The following ZNF644 variants were observed in gnomAD, a reference collection of about 807,000 sequenced individuals.
ZNF644 encodes the protein zinc finger protein 644.
ZNF644 carries 20 observed loss-of-function variants against 108.0 expected under a neutral mutation model. That is an observed-to-expected ratio of 0.19 (90% confidence interval 0.13 to 0.27). The LOEUF (loss-of-function observed/expected upper bound fraction) is 0.27. ZNF644 is among the 10% of genes least tolerant of loss of function. The probability of loss-of-function intolerance (pLI) is 1.00; values close to 1 mark genes in which losing one functional copy is unlikely to be tolerated. For synonymous variants in ZNF644, 542 were observed against 539.1 expected (o/e 1.01, Z -0.08); for missense variants, 1,338 against 1,548.9 (o/e 0.86, Z 2.29).
intron 1 of ZNF644, among the ~76,000 whole-genome samples, chr1:91,019,459 A>G (rs376454980): frequency 6.6e-6 from 1 of 152,358 alleles, no homozygotes; most frequent in African/African-American, 2.4e-5. Flanking sequence ...GAAAACCTTA[A>G]AATTCAAAAG....
At chr1:90,958,748 G>C (rs1654016115) in intron 2 of ZNF644, among the ~76,000 whole-genome samples, 1 of 152,128 alleles carries the variant, frequency 6.6e-6, no homozygotes, top group African/African-American at 2.4e-5. Flanking sequence ...AATGGTACTG[G>C]GACAACTGGA....
At chr1:90,954,852 ACCT>A (rs532095656) in intron 2 of ZNF644, among the ~76,000 whole-genome samples, 6 of 152,152 alleles carry the variant, frequency 3.9e-5, no homozygotes, top group Non-Finnish European at 8.8e-5. Flanking sequence ...TGATATTTTG[ACCT>A]CCTCCCATGA....
chr1:91,020,072 T>C (rs1430532112), intron 1 of ZNF644, among the ~76,000 whole-genome samples: 1 of 152,210 alleles, frequency 6.6e-6, no homozygotes, highest in Non-Finnish European at 1.5e-5. Flanking sequence ...TAATCATCTC[T>C]GGTCCTCAAT....
At chr1:90,972,515 G>T (rs1655600345) in intron 2 of ZNF644, among the ~76,000 whole-genome samples, 1 of 152,164 alleles carries the variant, frequency 6.6e-6, no homozygotes, top group Admixed American at 6.5e-5. Context: ...TGCACTGTTG[G>T]TGGGAATGTC....
intron 4 of ZNF644, among the ~76,000 whole-genome samples, chr1:90,932,395 G>A (rs1182950603): frequency 2.6e-5 from 4 of 152,062 alleles, no homozygotes; most frequent in Non-Finnish European, 5.9e-5. Flanking sequence ...ACATGGTTAG[G>A]GAGGCTTTAT....
Position 90,937,491 on chromosome 1 carries a change from G to A in ZNF644, c.3682C>T (p.His1228Tyr). 6.2e-7 allele frequency: 1 copy of A among 1,613,700 alleles called. No individual in the cohort carries two copies. The highest frequency in any genetic ancestry group is 8.5e-7 in the Non-Finnish European group (1 of 1,179,692). Reference sequence around the variant, plus strand: ...GTCATAAACGTCCTCTTACCTGAGTGCATAGTCAAGTCCATTTTTTGTGGC... The same window carrying A: ...GTCATAAACGTCCTCTTACCTGAGTACATAGTCAAGTCCATTTTTTGTGGC... The part of the protein sequence containing the change: ...YQPQKMDLTM[H>Y]SALDCKQKKS... The change falls in exon 4 of 6, where the codon CAC becomes TAC. Residue 1228 changes from histidine (H) to tyrosine (Y), a missense_variant. Coordinates refer to ENST00000337393, the MANE Select transcript of ZNF644 (RefSeq NM_201269.3).
intron 2 of ZNF644, among the ~76,000 whole-genome samples, chr1:90,971,180 A>G (rs1013286320): frequency 6.6e-6 from 1 of 151,688 alleles, no homozygotes; most frequent in Non-Finnish European, 1.5e-5. Flanking sequence ...AGTATTATAC[A>G]CCGTAAGCAA....
At chr1:90,941,387 A>T (rs989954470) in intron 2 of ZNF644, 78 bp from the exon 3 acceptor site, 2 of 1,304,026 alleles carry the variant, frequency 1.5e-6, no homozygotes, top group Admixed American at 4.7e-5. Context: ...TTGAAAGTAC[A>T]TATTTTTATT....
At chr1:90,979,378 C>A (rs1191031978) in intron 2 of ZNF644, among the ~76,000 whole-genome samples, 1 of 152,072 alleles carries the variant, frequency 6.6e-6, no homozygotes, top group East Asian at 1.9e-4. Context: ...GAGGCTGAGG[C>A]AGGAGAATTG....
intron 2 of ZNF644, among the ~76,000 whole-genome samples, chr1:90,947,108 T>C (rs1652597036): frequency 6.6e-6 from 1 of 152,146 alleles, no homozygotes; most frequent in African/African-American, 2.4e-5. Flanking sequence ...GAATCAACAG[T>C]AGAAAATCAA....
chr1:90,937,400 G>C, intron 4 of ZNF644, 85 bp downstream of exon 4: 1 of 1,568,802 alleles, frequency 6.4e-7, no homozygotes, highest in Non-Finnish European at 8.7e-7. Context: ...TTGTGAGAAA[G>C]TATTTTCCAC....
At position 90,939,044 on chromosome 1, in the gene ZNF644, A is replaced by T. The variant is rs1268288716; in HGVS notation, c.2310T>A (p.Asn770Lys). ...TTGATGATGAAAACAGGTGTAAAGA[A>T]TTTAATGAACTAGCTTCTTCTTTTT... is the stretch of plus-strand genomic sequence containing the variant. The part of the protein sequence containing the change: ...HFKKEEASSL[N>K]SLHLFSSSSN... The change falls in exon 3 of 6, where the codon AAT (asparagine) becomes AAA (lysine). Residue 770 changes from asparagine (N) to lysine (K), a missense_variant. This residue lies in a region of ZNF644 where 462 missense variants were observed against 472.6 expected (regional missense o/e 0.98). Transcript: ENST00000337393. The T allele has an allele frequency of 1.2e-6, 2 of 1,614,068 alleles. No individual in the cohort carries two copies. Among genetic ancestry groups the T allele is most frequent in the East Asian group, 4.5e-5 (2 of 44,878 alleles).
chr1:91,017,228 C>A (rs900518167), intron 1 of ZNF644, among the ~76,000 whole-genome samples: 2 of 152,184 alleles, frequency 1.3e-5, no homozygotes, highest in African/African-American at 4.8e-5. Context: ...TCACTCTAAC[C>A]CAGCTTCAAT....
chr1:90,967,645 A>G (rs1051603355), intron 2 of ZNF644, among the ~76,000 whole-genome samples: 2 of 152,172 alleles, frequency 1.3e-5, no homozygotes, highest in African/African-American at 4.8e-5. Context: ...AGTCAATTAT[A>G]GGAATTAAAC....
chr1:90,941,635 A>C (rs113616344), intron 2 of ZNF644, among the ~76,000 whole-genome samples: 8 of 152,308 alleles, frequency 5.3e-5, no homozygotes, highest in African/African-American at 1.9e-4. Context: ...ACTCAAAAAC[A>C]ATATAAATAT....
intron 4 of ZNF644, among the ~76,000 whole-genome samples, chr1:90,920,389 TGAG>T (rs1026377291): frequency 1.3e-5 from 2 of 152,004 alleles, no homozygotes; most frequent in Admixed American, 6.6e-5. Flanking sequence ...TAAAGCAAAT[TGAG>T]GAAGAAGGGC....
At chr1:90,922,981 T>A (rs1212114812) in intron 4 of ZNF644, among the ~76,000 whole-genome samples, 2 of 152,108 alleles carry the variant, frequency 1.3e-5, no homozygotes, top group Non-Finnish European at 2.9e-5. Context: ...AATCAGGGCC[T>A]TTTTTTAGAA....
chr1:90,931,965 T>C (rs929941033), intron 4 of ZNF644, among the ~76,000 whole-genome samples: 8 of 152,086 alleles, frequency 5.3e-5, no homozygotes, highest in African/African-American at 1.9e-4. Flanking sequence ...CACAAAAATT[T>C]TTATCTGAGA....
At chr1:90,930,043 T>C (rs910096042) in intron 4 of ZNF644, among the ~76,000 whole-genome samples, 10 of 152,354 alleles carry the variant, frequency 6.6e-5, no homozygotes, top group Admixed American at 5.2e-4. Context: ...TCCCAGCACT[T>C]TGGGAAGCCC....
Sources: gnomAD v4.1 joint callset for allele counts (sites outside exome capture counted in the v4.1 genomes callset) on GRCh38, gnomAD v4.1.1 for gene constraint, gnomAD v4.1.1 regional missense constraint, MANE v1.5 for transcripts, NCBI Gene and HGNC (gene_info 2026-07-23, HGNC 2026-07-21) for gene names.